Variants in FAM81B observed in about 807,000 individuals in gnomAD.
The protein encoded by FAM81B is family with sequence similarity 81 member B.
A neutral mutation model predicts 58.7 loss-of-function variants in FAM81B; 60 were observed. The ratio of observed to expected loss-of-function variants is 1.02; its 90% CI spans 0.83 to 1.27. The LOEUF (loss-of-function observed/expected upper bound fraction) is 1.27. Ranked by LOEUF, FAM81B falls within the 50% of genes most tolerant of loss-of-function variation. FAM81B has a pLI of 0.00. For synonymous variants in FAM81B, 189 were observed against 179.6 expected (o/e 1.05, Z -0.42); for missense variants, 491 against 522.0 (o/e 0.94, Z 0.58).
At chr5:95,397,400 G>A (rs1186800087) in intron 3 of FAM81B, among the ~76,000 whole-genome samples, 1 of 152,188 alleles carries the variant, frequency 6.6e-6, no homozygotes, top group Non-Finnish European at 1.5e-5. Flanking sequence ...ATAAATAAAT[G>A]TATTAGCTAA....
chr5:95,445,961 A>G (rs1243396965), intron 7 of FAM81B, among the ~76,000 whole-genome samples: 5 of 152,212 alleles, frequency 3.3e-5, no homozygotes, highest in African/African-American at 1.2e-4. Flanking sequence ...ACAGCTAAGA[A>G]TGGCTTCTAT....
chr5:95,400,311 C>T (rs1582783713), intron 3 of FAM81B, among the ~76,000 whole-genome samples: 1 of 152,048 alleles, frequency 6.6e-6, no homozygotes, highest in Non-Finnish European at 1.5e-5. Context: ...GAGTCCCTGG[C>T]ACTCCTTGGC....
At chr5:95,405,449 T>A (rs1486245782) in intron 3 of FAM81B, among the ~76,000 whole-genome samples, 1 of 152,348 alleles carries the variant, frequency 6.6e-6, no homozygotes, top group East Asian at 1.9e-4. Context: ...ATATTTTCCA[T>A]ACCTAATGGT....
In FAM81B at chr5:95,391,470, A is replaced by T. The variant is rs1761813887; in HGVS notation, c.81A>T (p.Lys27Asn). The T allele has an allele frequency of 6.2e-7, 1 of 1,613,720 alleles. No homozygotes were observed. The highest frequency in any genetic ancestry group is 1.7e-5 in the Admixed American group (1 of 60,000). ...KSQRLFFKNI[K>N]STKNKAGKAS... Reference sequence around the variant, plus strand: ...AGAGATTGTTTTTCAAAAATATCAAATCTACAAAAAATAAAGCTGGAAAAG... The same window carrying T: ...AGAGATTGTTTTTCAAAAATATCAATTCTACAAAAAATAAAGCTGGAAAAG... Residue 27 changes from lysine (K) to asparagine (N), a missense_variant, in exon 1 of 10, where the codon AAA (lysine) becomes AAT (asparagine). Coordinates refer to ENST00000283357, the MANE Select transcript of FAM81B (RefSeq NM_152548.3).
chr5:95,420,064 A>G (rs539064156), intron 4 of FAM81B, among the ~76,000 whole-genome samples: 30 of 151,134 alleles, frequency 2.0e-4, no homozygotes, highest in South Asian at 4.2e-4. Flanking sequence ...CACTATTGAG[A>G]CATCTTCCCC....
intron 6 of FAM81B, among the ~76,000 whole-genome samples, chr5:95,432,781 C>G (rs1288704181): frequency 1.3e-5 from 2 of 151,654 alleles, no homozygotes; most frequent in Non-Finnish European, 2.9e-5. Flanking sequence ...TTTTTTCCCC[C>G]TTGATTAGGT....
At chr5:95,401,484 A>G (rs931515030) in intron 3 of FAM81B, among the ~76,000 whole-genome samples, 2 of 152,176 alleles carry the variant, frequency 1.3e-5, no homozygotes, top group African/African-American at 4.8e-5. Context: ...TAAACAAGCA[A>G]CACAGAAACT....
intron 3 of FAM81B, among the ~76,000 whole-genome samples, chr5:95,399,999 T>G (rs777752061): frequency 6.6e-6 from 1 of 152,174 alleles, no homozygotes; most frequent in Non-Finnish European, 1.5e-5. Context: ...TGCCTCAGTT[T>G]CCTCCTAAGT....
intron 4 of FAM81B, among the ~76,000 whole-genome samples, chr5:95,419,970 T>C (rs1762634220): frequency 6.6e-6 from 1 of 152,328 alleles, no homozygotes; most frequent in African/African-American, 2.4e-5. Flanking sequence ...CCATATATGG[T>C]TTACAAAAGA....
At chr5:95,435,284 T>TA (rs904690896) in intron 6 of FAM81B, among the ~76,000 whole-genome samples, 1 of 152,190 alleles carries the variant, frequency 6.6e-6, no homozygotes, top group Non-Finnish European at 1.5e-5. Flanking sequence ...GCTTTTTTTT[T>TA]ACTCAAGTGA....
At chr5:95,419,163 C>T (rs1382297087) in intron 4 of FAM81B, among the ~76,000 whole-genome samples, 1 of 152,130 alleles carries the variant, frequency 6.6e-6, no homozygotes, top group African/African-American at 2.4e-5. Flanking sequence ...GTGTTTTTGA[C>T]ACTTTTACAT....
chr5:95,448,072 T>C (rs1745651815), intron 8 of FAM81B, among the ~76,000 whole-genome samples, 197 bp from the exon 9 acceptor site: 1 of 152,150 alleles, frequency 6.6e-6, no homozygotes, highest in South Asian at 2.1e-4. Context: ...CCATTACATG[T>C]TGAATTCCAG....
intron 6 of FAM81B, among the ~76,000 whole-genome samples, chr5:95,430,913 T>G (rs370094506): frequency 1.3e-5 from 2 of 152,120 alleles, no homozygotes; most frequent in African/African-American, 4.8e-5. Context: ...GCAGTATCTT[T>G]TTGTTTTAAT....
intron 7 of FAM81B, among the ~76,000 whole-genome samples, chr5:95,442,172 T>TGAAC (rs1400977439): frequency 6.6e-6 from 1 of 152,210 alleles, no homozygotes; most frequent in African/African-American, 2.4e-5. Context: ...AATGAATGAA[T>TGAAC]GAACGATTTT....
intron 3 of FAM81B, among the ~76,000 whole-genome samples, chr5:95,399,644 C>A (rs1762055852): frequency 1.3e-5 from 2 of 152,108 alleles, no homozygotes; most frequent in East Asian, 1.9e-4. Context: ...ACATTTAAGA[C>A]CTTCTGCTCA....
intron 3 of FAM81B, among the ~76,000 whole-genome samples, chr5:95,402,691 G>A (rs889984743): frequency 1.3e-5 from 2 of 152,174 alleles, no homozygotes; most frequent in Non-Finnish European, 2.9e-5. Flanking sequence ...AGACCTGCTG[G>A]CTTGGGTCTG....
At chr5:95,442,203 A>C (rs1268905728) in intron 7 of FAM81B, among the ~76,000 whole-genome samples, 1 of 152,214 alleles carries the variant, frequency 6.6e-6, no homozygotes, top group Non-Finnish European at 1.5e-5. Flanking sequence ...TATTATGTAA[A>C]CTGTGTTTTA....
intron 6 of FAM81B, among the ~76,000 whole-genome samples, chr5:95,435,297 G>T (rs555214558): frequency 7.8e-4 from 118 of 152,160 alleles, no homozygotes; most frequent in South Asian, 7.1e-3. Flanking sequence ...TCAAGTGACT[G>T]GGTTTTTGTG....
intron 2 of FAM81B, among the ~76,000 whole-genome samples, chr5:95,394,839 A>G (rs1034767817): frequency 1.3e-5 from 2 of 152,012 alleles, no homozygotes; most frequent in African/African-American, 4.8e-5. Context: ...TGGACTTCAC[A>G]TTTTTTTAAG....
Sources: gnomAD v4.1 joint callset for allele counts (sites outside exome capture counted in the v4.1 genomes callset) on GRCh38, gnomAD v4.1.1 for gene constraint, MANE v1.5 for transcripts, NCBI Gene and HGNC (gene_info 2026-07-23, HGNC 2026-07-21) for gene names.